The following LAMA5 variants were observed in gnomAD, a reference collection of about 807,000 sequenced individuals.
LAMA5 encodes laminin subunit alpha 5.
Under a neutral mutation model 433.4 loss-of-function variants are expected in LAMA5, and 260 were observed. The observed-to-expected ratio is 0.60, with a 90% CI of 0.54 to 0.66. The LOEUF (loss-of-function observed/expected upper bound fraction) is 0.66. Ranked by LOEUF, LAMA5 falls within the 30% of genes least tolerant of loss-of-function variation. The pLI is 0.00. For synonymous variants in LAMA5, 2,620 were observed against 2,226.6 expected, an observed-to-expected ratio of 1.18 and a Z score of -4.97; for missense variants, 5,378 against 5,258.5, an observed-to-expected ratio of 1.02 and a Z score of -0.70.
chr20:62,333,439 G>A lies in LAMA5; in HGVS notation c.3064C>T (p.Leu1022Phe). 1.2e-6 allele frequency: 2 copies of A among 1,612,790 alleles called. No individual in the cohort carries two copies. Among genetic ancestry groups the A allele is most frequent in the Non-Finnish European group, 1.7e-6 (2 of 1,179,884 alleles). The change falls in exon 25 of 80, where the codon CTC (leucine) becomes TTC (phenylalanine). Residue 1022 changes from leucine to phenylalanine, a missense_variant. Leu to Phe is a conservative substitution (Grantham distance 22). Transcript: ENST00000252999. The stretch of plus-strand genomic sequence containing the variant: ...GCCTCAGTCACCCGCAGCTGCAGGA[G>A]CGCCGCCTCGTAGTATGCGCTAGGC... The part of the protein sequence containing the change: ...LLPSAYYEAA[L>F]LQLRVTEACT...
At chr20:62,315,557 C>T (rs1986848361) in intron 58 of LAMA5, among the ~76,000 whole-genome samples, 1 of 152,138 alleles carries the variant, frequency 6.6e-6, no homozygotes, top group Non-Finnish European at 1.5e-5. Flanking sequence ...TCGTCCTCTG[C>T]TCCAAGCCTC....
rs1251134916 is a variant in LAMA5, at chr20:62,314,002, C to G, written c.8505-200G>C. Among the ~76,000 whole-genome samples the G allele has an allele frequency of 2.9e-5, 2 of 68,972 alleles. 1 individual carries two copies. The highest frequency in any genetic ancestry group is 8.3e-4 in the East Asian group (2 of 2,400). The allele number at this position is 68,972 out of a possible 152,430, so 45.2% of individuals were successfully genotyped here. ...GACGGGTGGCGAGTGGGCACAGAGA[C>G]GAGGGGTGGCGAGTGGGCACGGAGA... On this transcript the variant is annotated intron_variant, in intron 62 of 79. Coordinates refer to ENST00000252999, the MANE Select transcript of LAMA5 (RefSeq NM_005560.6).
Position 62,349,888 on chromosome 20 carries a change from G to A in LAMA5, c.956+1816C>T, listed in dbSNP as rs114901427. Reference sequence around the variant, plus strand: ...GGGGTGATGGTTTGGGTGGGAGTAAGGTGATGGTGGAGGTAAAGAGGCAGA... The same window carrying A: ...GGGGTGATGGTTTGGGTGGGAGTAAAGTGATGGTGGAGGTAAAGAGGCAGA... On this transcript the variant is annotated intron_variant, in intron 6 of 79. Coordinates refer to ENST00000252999, the MANE Select transcript of LAMA5 (RefSeq NM_005560.6). 3.3e-3 allele frequency among the ~76,000 whole-genome samples: 492 copies of A among 147,322 alleles called. 12 individuals are homozygous for A. The highest frequency in any genetic ancestry group is 0.012 in the African/African-American group (468 of 37,980).
chr20:62,354,767 C>A (rs1984915373), intron 2 of LAMA5, among the ~76,000 whole-genome samples: 1 of 152,116 alleles, frequency 6.6e-6, no homozygotes, highest in Non-Finnish European at 1.5e-5. Context: ...TAGGCTCCCC[C>A]TACCTGGGGG....
chr20:62,331,397 C>G (rs1980432207), intron 28 of LAMA5, among the ~76,000 whole-genome samples: 1 of 151,982 alleles, frequency 6.6e-6, no homozygotes, highest in Non-Finnish European at 1.5e-5. Flanking sequence ...GAGCCCTGCT[C>G]TTTCCAAGAT....
At chr20:62,312,103 A>C in intron 69 of LAMA5, 53 bp from the exon 70 acceptor site, 1 of 1,608,578 alleles carries the variant, frequency 6.2e-7, no homozygotes, top group South Asian at 1.1e-5. Context: ...GACTCATTCC[A>C]GACACCCCAG....
intron 31 of LAMA5, 43 bp downstream of exon 31, chr20:62,330,442 CTCA>C: frequency 2.0e-6 from 3 of 1,484,484 alleles, no homozygotes; most frequent in Non-Finnish European, 2.7e-6. Context: ...GCATTCCAGC[CTCA>C]TCGTGTGTGG....
At position 62,311,901 on chromosome 20, in the gene LAMA5, G is replaced by T; in HGVS notation, c.9635+19C>A. On this transcript the variant is annotated intron_variant, in intron 70 of 79. Transcript: ENST00000252999. ...GTCCCTCCAGACCTTCACGATGAGG[G>T]CCCAGCGGCCAGGCTCACCCCGTGG... The T allele has an allele frequency of 6.2e-7, 1 of 1,601,736 alleles. No homozygotes were observed. Among genetic ancestry groups the T allele is most frequent in the Non-Finnish European group, 8.5e-7 (1 of 1,173,758 alleles).
At chr20:62,309,614 T>TGGGAGGGGGCAGGGGGAGGAGGGG (rs1568884845) in intron 79 of LAMA5, 102 bp downstream of exon 79, 81 of 337,002 alleles carry the variant, frequency 2.4e-4, no homozygotes, top group African/African-American at 9.0e-4. Context: ...GGGAGGAGGG[T>TGGGAGGGGGCAGGGGGAGGAGGGG]GGGAGGGGGC....
intron 1 of LAMA5, among the ~76,000 whole-genome samples, chr20:62,363,328 C>T (rs1986367089): frequency 6.6e-6 from 1 of 152,192 alleles, no homozygotes; most frequent in Non-Finnish European, 1.5e-5. Flanking sequence ...ACTGCTGAGC[C>T]TCAATGTCCC....
At position 62,311,237 on chromosome 20, in the gene LAMA5, C is replaced by T. The variant is rs1266350933; in HGVS notation, c.10013G>A (p.Arg3338Gln). The T allele has an allele frequency of 2.1e-5, 33 of 1,609,612 alleles. 1 individual carries two copies. The highest frequency in any genetic ancestry group is 3.3e-4 in the Middle Eastern group (2 of 6,048). Residue 3338 changes from arginine to glutamine, a missense_variant, in exon 73 of 80, where the codon CGA becomes CAA. Arg to Gln is a conservative substitution (Grantham distance 43, BLOSUM62 1). Transcript: ENST00000252999. ...CMLPPHLRTT[R>Q]DSYQFGGSLS... The stretch of plus-strand genomic sequence containing the variant: ...GGAACCCCCAAACTGGTAGGAGTCT[C>T]GGGTGGTCCTGAGGTGTGGGGGCAG...
rs1376727300 is a variant in LAMA5, at chr20:62,352,377, GA to G, written c.569-18del. The stretch of plus-strand genomic sequence containing the variant: ...TCTTGGAGGCTGCGGGGAATGGCGG[GA>G]GGGGAGGGCGCTGGATCACCAGAAA... On this transcript the variant is annotated intron_variant, in intron 3 of 79. Transcript: ENST00000252999. The G allele has an allele frequency of 1.9e-6, 3 of 1,578,508 alleles. No homozygotes were observed. In the South Asian group the frequency reaches 3.3e-5, roughly 17 times the overall value.
chr20:62,322,753 C>G lies in LAMA5; in HGVS notation c.6070G>C (p.Asp2024His). The change falls in exon 46 of 80, where the codon GAC becomes CAC. Residue 2024 changes from aspartate to histidine, a missense_variant. By Grantham distance (81) the Asp-to-His change is moderately conservative. Coordinates refer to ENST00000252999, the MANE Select transcript of LAMA5 (RefSeq NM_005560.6). ...GCCTCTGTCCCACATGGGGTACAGT[C>G]GCACCCTGCAGAAGGGGTCCGTGAC... is the stretch of plus-strand genomic sequence containing the variant. ...ALLPGNCTRC[D>H]CTPCGTEACD... 6.7e-7 allele frequency: 1 copy of G among 1,501,088 alleles called. No individual in the cohort carries two copies. The highest frequency in any genetic ancestry group is 8.9e-7 in the Non-Finnish European group (1 of 1,125,760). The allele number at this position is 1,501,088 out of a possible 1,614,324, so 93.0% of individuals were successfully genotyped here.
chr20:62,351,357 C>T, intron 6 of LAMA5: 1 of 433,272 alleles, frequency 2.3e-6, no homozygotes, highest in South Asian at 3.5e-5. Flanking sequence ...ATCAATCATC[C>T]CCATTGCTGA....
intron 30 of LAMA5, 63 bp from the exon 31 acceptor site, chr20:62,330,677 T>C: frequency 1.3e-6 from 2 of 1,560,284 alleles, no homozygotes; most frequent in Non-Finnish European, 8.7e-7. Context: ...CTGGACAACC[T>C]GCCCTGGGTT....
At position 62,315,060 on chromosome 20, in the gene LAMA5, A is replaced by G. The variant is rs766828631; in HGVS notation, c.8015T>C (p.Leu2672Pro). The part of the protein sequence containing the change: ...GQYEGLRGQD[L>P]GQAVLDAGHS... ...GCCTGCGTCAAGCACTGCCTGGCCC[A>G]GGTCCTGGCCCCGCAGGCCCTCGTA... The change falls in exon 59 of 80, where the codon CTG (leucine) becomes CCG (proline). Residue 2672 changes from leucine (L) to proline (P), a missense_variant. Leu to Pro is a moderately conservative substitution (Grantham distance 98). Transcript: ENST00000252999. 5.6e-5 allele frequency: 90 copies of G among 1,599,830 alleles called. 2 individuals are homozygous for G. The South Asian group carries it at 9.7e-4, about 17-fold the overall frequency.
intron 18 of LAMA5, 115 bp from the exon 19 acceptor site, chr20:62,335,384 G>A: frequency 1.0e-6 from 1 of 974,262 alleles, no homozygotes; most frequent in South Asian, 1.5e-5. Context: ...ACAGGCTCCA[G>A]CACCCCCAGG....
At chr20:62,363,727 G>T (rs556050391) in intron 1 of LAMA5, among the ~76,000 whole-genome samples, 2 of 152,242 alleles carry the variant, frequency 1.3e-5, no homozygotes, top group African/African-American at 4.8e-5. Flanking sequence ...CCCTTGGGGG[G>T]CCAGACCTCA....
chr20:62,332,503 A>AGG, intron 27 of LAMA5, 23 bp from the exon 28 acceptor site: 1 of 1,610,668 alleles, frequency 6.2e-7, no homozygotes, highest in African/African-American at 1.3e-5. Flanking sequence ...GGTGGTCAGC[A>AGG]GGTGGGGCAG....
Sources: allele counts gnomAD v4.1 joint callset (sites outside exome capture counted in the v4.1 genomes callset), GRCh38; gene constraint gnomAD v4.1.1; transcripts MANE v1.5; gene names NCBI Gene and HGNC (gene_info 2026-07-23, HGNC 2026-07-21).